Variants in OSBP2 observed in about 807,000 individuals in gnomAD.
OSBP2 encodes oxysterol-binding protein 2.
A neutral mutation model predicts 96.0 loss-of-function variants in OSBP2; 66 were observed. The observed-to-expected ratio is 0.69, with a 90% confidence interval of 0.56 to 0.84. OSBP2 has a LOEUF of 0.84. OSBP2 is among the 40% of genes least tolerant of loss of function. The pLI, the probability that OSBP2 is intolerant of heterozygous loss-of-function variation, is 0.00. For synonymous variants in OSBP2, 525 were observed against 520.9 expected (o/e 1.01, Z -0.11); for missense variants, 1,038 against 1,222.7 (o/e 0.85, Z 2.25).
intron 2 of OSBP2, among the ~76,000 whole-genome samples, chr22:30,746,984 T>A (rs990034085): frequency 6.6e-6 from 1 of 152,196 alleles, no homozygotes; most frequent in African/African-American, 2.4e-5. Context: ...CAAGTGGGAC[T>A]TACCCCAGGA....
intron 1 of OSBP2, among the ~76,000 whole-genome samples, chr22:30,707,853 G>A (rs1156582368): frequency 6.6e-6 from 1 of 151,512 alleles, no homozygotes; most frequent in Non-Finnish European, 1.5e-5. Context: ...TGACCACGAG[G>A]CTACACATGG....
intron 2 of OSBP2, among the ~76,000 whole-genome samples, chr22:30,850,300 C>CT (rs2038955179): frequency 7.7e-6 from 1 of 129,860 alleles, no homozygotes; most frequent in African/African-American, 2.7e-5. Context: ...GAGCTAGACT[C>CT]TGTCTCAAAA....
chr22:30,817,936 C>A (rs1473576937), intron 2 of OSBP2, among the ~76,000 whole-genome samples: 1 of 152,094 alleles, frequency 6.6e-6, no homozygotes, highest in Non-Finnish European at 1.5e-5. Flanking sequence ...ACAGGGTCAC[C>A]CAGGCTTGAG....
At position 30,721,095 on chromosome 22, in the gene OSBP2, C is replaced by T. The variant is rs535816612; in HGVS notation, c.645-20066C>T. On this transcript the variant is annotated intron_variant, in intron 1 of 13. Transcript: ENST00000332585. Reference sequence around the variant, plus strand: ...CAAAAAAATTAGCCAGACATGGTGGCGGGTGCCTGTAATCCCAGCTACTTG... The same window carrying T: ...CAAAAAAATTAGCCAGACATGGTGGTGGGTGCCTGTAATCCCAGCTACTTG... Among the ~76,000 whole-genome samples the T allele has an allele frequency of 7.9e-5, 12 of 152,198 alleles. No homozygotes were observed. In the South Asian group the frequency reaches 1.5e-3, roughly 18 times the overall value.
chr22:30,762,337 C>G (rs563593884), intron 2 of OSBP2, among the ~76,000 whole-genome samples: 1 of 152,224 alleles, frequency 6.6e-6, no homozygotes, highest in South Asian at 2.1e-4. Context: ...ACCACGAGGT[C>G]AGGAGATCGA....
intron 2 of OSBP2, chr22:30,803,294 G>A (rs1032462129): frequency 6.5e-6 from 1 of 153,104 alleles, no homozygotes; most frequent in African/African-American, 2.4e-5. Flanking sequence ...ATCTTGAGCA[G>A]CTTTCAGGGC....
At chr22:30,771,254 C>T (rs2090344304) in intron 2 of OSBP2, among the ~76,000 whole-genome samples, 1 of 152,210 alleles carries the variant, frequency 6.6e-6, no homozygotes, top group East Asian at 1.9e-4. Context: ...CCATGGTGGG[C>T]TCAGACCCTC....
At chr22:30,861,592 G>A (rs1448565668) in intron 2 of OSBP2, among the ~76,000 whole-genome samples, 1 of 152,090 alleles carries the variant, frequency 6.6e-6, no homozygotes, top group Non-Finnish European at 1.5e-5. Context: ...AGATCCTGAC[G>A]TGCCTTCCAG....
intron 1 of OSBP2, among the ~76,000 whole-genome samples, chr22:30,729,438 GA>G (rs2089708694): frequency 6.6e-6 from 1 of 152,144 alleles, no homozygotes; most frequent in Non-Finnish European, 1.5e-5. Flanking sequence ...AGGAGCTTCT[GA>G]CCAGCCTGGC....
intron 3 of OSBP2, among the ~76,000 whole-genome samples, chr22:30,879,751 C>T (rs1194095151): frequency 6.6e-6 from 1 of 152,226 alleles, no homozygotes; most frequent in African/African-American, 2.4e-5. Context: ...TGGGTTTCAT[C>T]TTGTGTAAAG....
rs2039436368 is a variant in OSBP2, at chr22:30,870,526, C to T, written c.951C>T (p.Ser317=). 5.0e-6 allele frequency: 8 copies of T among 1,614,080 alleles called. No homozygotes were observed. The highest frequency in any genetic ancestry group is 6.8e-6 in the Non-Finnish European group (8 of 1,179,988). ...KNLSLKLDDL[S]TCNDLIAKHG... ...TTTCCCTGAAGTTAGATGACCTCAG[C>T]ACGTGCAATGACCTCATCGCCAAGC... Residue 317 remains serine (S), a synonymous_variant, in exon 3 of 14, where the codon AGC becomes AGT. Coordinates refer to ENST00000332585, the MANE Select transcript of OSBP2 (RefSeq NM_030758.4). This position sits in a 1 kb window ranked among gnomAD's most constrained non-coding sequence, Gnocchi z 4.1.
intron 2 of OSBP2, among the ~76,000 whole-genome samples, chr22:30,767,370 A>G (rs1248508096): frequency 6.6e-6 from 1 of 152,020 alleles, no homozygotes; most frequent in Non-Finnish European, 1.5e-5. Flanking sequence ...GACTCTCAGG[A>G]ATCGTCACAT....
At chr22:30,869,911 G>T (rs866970944) in intron 2 of OSBP2, among the ~76,000 whole-genome samples, 1 of 152,216 alleles carries the variant, frequency 6.6e-6, no homozygotes, top group Admixed American at 6.5e-5. Context: ...AGGGAACAGG[G>T]GACAGATTGG....
chr22:30,694,344 G>A (rs560499637), upstream of OSBP2: 60 of 1,537,312 alleles, frequency 3.9e-5, no homozygotes, highest in Non-Finnish European at 5.0e-5. Context: ...CCCACAGACA[G>A]GTAATGGCTG....
At position 30,905,958 on chromosome 22, in the gene OSBP2, C is replaced by T. The variant is rs776910799; in HGVS notation, c.2497C>T (p.Arg833Cys). Residue 833 changes from arginine to cysteine, a missense_variant, in exon 13 of 14, where the codon CGT (arginine) becomes TGT (cysteine). Physicochemically the swap from Arg to Cys is radical, Grantham distance 180. This residue lies in a region of OSBP2 where 737 missense variants were observed against 913.3 expected (regional missense o/e 0.81). Coordinates refer to ENST00000332585, the MANE Select transcript of OSBP2 (RefSeq NM_030758.4). The stretch of plus-strand genomic sequence containing the variant: ...CGACCAGCGGCTGATGGAGAAGGGC[C>T]GTTGGGACGAGGCCAATACCGAGAA... ...RPDQRLMEKG[R>C]WDEANTEKQR... 8.1e-6 allele frequency: 13 copies of T among 1,611,002 alleles called. No individual in the cohort carries two copies. The Admixed American group carries it at 2.0e-4, about 25-fold the overall frequency.
In OSBP2 at chr22:30,893,120, A is replaced by G; in HGVS notation, c.1870-2A>G. 1 of 1,613,728 alleles carries G rather than the reference A, an allele frequency of 6.2e-7. No homozygotes were observed. The highest frequency in any genetic ancestry group is 2.2e-5 in the East Asian group (1 of 44,884). ...GCTCACATCCTATGGGTCTGGTCTCAGGTGAGCCACCACCCCCCCTCAGCT... is the reference window on the plus strand; with the variant it reads ...GCTCACATCCTATGGGTCTGGTCTCGGGTGAGCCACCACCCCCCCTCAGCT... On this transcript the variant is annotated splice_acceptor_variant, in intron 8 of 13. Transcript: ENST00000332585. LOFTEE classifies it high-confidence loss of function.
intron 2 of OSBP2, among the ~76,000 whole-genome samples, chr22:30,782,199 G>A (rs1299500656): frequency 6.6e-6 from 1 of 152,122 alleles, no homozygotes; most frequent in Non-Finnish European, 1.5e-5. Flanking sequence ...TGTACAGTCA[G>A]ATAAGTTTTG....
intron 1 of OSBP2, among the ~76,000 whole-genome samples, chr22:30,733,627 G>A (rs924834173): frequency 1.3e-5 from 2 of 152,172 alleles, no homozygotes; most frequent in African/African-American, 2.4e-5. Flanking sequence ...GAGAGGGGAC[G>A]GAGGAGGTGC....
intron 1 of OSBP2, among the ~76,000 whole-genome samples, chr22:30,719,854 A>AAAAC (rs944764014): frequency 5.9e-5 from 9 of 152,154 alleles, no homozygotes. Context: ...CCATCTCTCA[A>AAAAC]AAACAAACAA....
Sources: allele counts gnomAD v4.1 joint callset (sites outside exome capture counted in the v4.1 genomes callset), GRCh38; gene constraint gnomAD v4.1.1; regional missense constraint gnomAD v4.1.1; non-coding constraint Gnocchi (gnomAD v3.1); transcripts MANE v1.5; gene names NCBI Gene and HGNC (gene_info 2026-07-23, HGNC 2026-07-21).